Variants in SCN11A observed in about 807,000 individuals in gnomAD.
The protein encoded by SCN11A is sodium voltage-gated channel alpha subunit 11.
A neutral mutation model predicts 162.2 loss-of-function variants in SCN11A; 122 were observed. The ratio of observed to expected loss-of-function variants is 0.75; its 90% CI spans 0.65 to 0.87. The LOEUF (loss-of-function observed/expected upper bound fraction) is 0.87, where lower values mean the gene tolerates loss of function less well. SCN11A is among the 40% of genes least tolerant of loss of function. The pLI, the probability that SCN11A is intolerant of heterozygous loss-of-function variation, is 0.00. For missense variants in SCN11A, 2,015 were observed against 2,181.6 expected (o/e 0.92, Z 1.52); for synonymous variants, 758 against 751.5 (o/e 1.01, Z -0.14).
intron 5 of SCN11A, among the ~76,000 whole-genome samples, chr3:38,947,587 C>T (rs2066537227): frequency 6.6e-6 from 1 of 152,218 alleles, no homozygotes; most frequent in Non-Finnish European, 1.5e-5. Context: ...GGATGCCAAA[C>T]AGGACAAACT....
intron 2 of SCN11A, among the ~76,000 whole-genome samples, chr3:39,026,464 A>G (rs1431615684): frequency 1.3e-5 from 2 of 152,158 alleles, no homozygotes; most frequent in African/African-American, 4.8e-5. Flanking sequence ...TTTAAGTCCA[A>G]CTTCCCATGA....
chr3:38,973,923 G>T (rs1191911219), intron 2 of SCN11A, among the ~76,000 whole-genome samples: 1 of 152,242 alleles, frequency 6.6e-6, no homozygotes, highest in Non-Finnish European at 1.5e-5. Flanking sequence ...GAGGCTGGCA[G>T]ATGCCAACAG....
chr3:38,924,680 T>C (rs56343026), intron 9 of SCN11A, among the ~76,000 whole-genome samples: 2,408 of 152,112 alleles, frequency 0.016, 66 homozygotes, highest in African/African-American at 0.056. Flanking sequence ...GCCTTAACTC[T>C]TGTATTTTTG....
chr3:38,977,935 C>G (rs965983152), intron 2 of SCN11A, among the ~76,000 whole-genome samples: 3 of 152,152 alleles, frequency 2.0e-5, no homozygotes, highest in Non-Finnish European at 2.9e-5. Flanking sequence ...CATCTTCAGC[C>G]TCTCCCCACC....
At chr3:38,882,427 T>G (rs1419477492) in intron 22 of SCN11A, among the ~76,000 whole-genome samples, 1 of 152,200 alleles carries the variant, frequency 6.6e-6, no homozygotes, top group Non-Finnish European at 1.5e-5. Flanking sequence ...CTCATAACTT[T>G]GTTATGTCAA....
intron 19 of SCN11A, among the ~76,000 whole-genome samples, chr3:38,892,424 G>T (rs1358854068): frequency 6.6e-6 from 1 of 152,070 alleles, no homozygotes; most frequent in East Asian, 1.9e-4. Flanking sequence ...TTGTGTTGCT[G>T]GGTATGTAAC....
chr3:38,877,144 GGTATATA>G, intron 23 of SCN11A, among the ~76,000 whole-genome samples: 1 of 81,354 alleles, frequency 1.2e-5, no homozygotes, highest in African/African-American at 5.3e-5. Flanking sequence ...CTATATATAT[GGTATATA>G]TATGGTGTAT....
chr3:38,996,015 G>A (rs78405164), intron 2 of SCN11A, among the ~76,000 whole-genome samples: 2,712 of 152,172 alleles, frequency 0.018, 75 homozygotes, highest in African/African-American at 0.06. Flanking sequence ...GAGCATGAGC[G>A]CGCGCTCTCT....
chr3:39,044,466 A>G lies in SCN11A; in HGVS notation c.-404+7395T>C, dbSNP rs182921313. ...CATTTTTTAAAATCAAAACCATATC[A>G]AGTATCTTTTCTGACTACAATGAAA... On this transcript the variant is annotated intron_variant, in intron 1 of 29. Coordinates refer to ENST00000302328, the MANE Select transcript of SCN11A (RefSeq NM_001349253.2). Among the ~76,000 whole-genome samples the G allele has an allele frequency of 9.2e-5, 14 of 152,322 alleles. No homozygotes were observed. The East Asian group carries it at 2.3e-3, about 25-fold the overall frequency.
At chr3:39,021,588 C>T (rs147205828) in intron 2 of SCN11A, among the ~76,000 whole-genome samples, 1 of 151,996 alleles carries the variant, frequency 6.6e-6, no homozygotes, top group Admixed American at 6.6e-5. Context: ...GTTGTGGGGA[C>T]CTGAGTGAAG....
chr3:38,966,770 T>G (rs1375019632), intron 2 of SCN11A, among the ~76,000 whole-genome samples: 1 of 152,258 alleles, frequency 6.6e-6, no homozygotes, highest in Non-Finnish European at 1.5e-5. Context: ...CTCCACATCC[T>G]TCCCAGCCTC....
chr3:38,987,409 C>T (rs1295211549), intron 2 of SCN11A, among the ~76,000 whole-genome samples: 1 of 151,854 alleles, frequency 6.6e-6, no homozygotes. Flanking sequence ...ATGTCTGGGG[C>T]CCATATTTCT....
In SCN11A at chr3:38,863,253, T is replaced by C. The variant is rs1266568164; in HGVS notation, c.3998A>G (p.Tyr1333Cys). 2.5e-6 allele frequency: 4 copies of C among 1,608,368 alleles called. No individual in the cohort carries two copies. Among genetic ancestry groups the C allele is most frequent in the Non-Finnish European group, 3.4e-6 (4 of 1,175,354 alleles). ...GGATCCTAATTTTTTCATTGCATTA[T>C]AGTATTTCTTCTGTTCTTCTGTCAT... ...IFMTEEQKKY[Y>C]NAMKKLGSKK... is the part of the protein sequence containing the mutation. The change falls in exon 28 of 30, where the codon TAT (tyrosine) becomes TGT (cysteine). Residue 1333 changes from tyrosine (Y) to cysteine (C), a missense_variant. Tyr to Cys is a radical substitution (Grantham distance 194). Transcript: ENST00000302328.
intron 28 of SCN11A, among the ~76,000 whole-genome samples, chr3:38,856,988 T>TAA (rs35920524): frequency 2.0e-5 from 3 of 151,842 alleles, no homozygotes; most frequent in Non-Finnish European, 4.4e-5. Context: ...ATTTTAAATT[T>TAA]AAAAAACACA....
At chr3:38,879,316 T>G (rs2065270578) in intron 23 of SCN11A, among the ~76,000 whole-genome samples, 1 of 152,172 alleles carries the variant, frequency 6.6e-6, no homozygotes, top group Non-Finnish European at 1.5e-5. Flanking sequence ...ACTCAATAAA[T>G]GTGATCCACT....
At chr3:38,887,729 G>A (rs945183440) in intron 19 of SCN11A, among the ~76,000 whole-genome samples, 6 of 152,134 alleles carry the variant, frequency 3.9e-5, no homozygotes, top group Non-Finnish European at 5.9e-5. Flanking sequence ...ATCATAATTT[G>A]TTATTATTTT....
At chr3:38,959,014 C>T (rs368602319) in intron 3 of SCN11A, among the ~76,000 whole-genome samples, 27 of 152,168 alleles carry the variant, frequency 1.8e-4, no homozygotes, top group African/African-American at 6.5e-4. Context: ...CAAACTGATA[C>T]TGTGATTCTC....
At position 38,846,598 on chromosome 3, in the gene SCN11A, A is replaced by G; in HGVS notation, c.*96T>C. ...GAAAATGGAATGGCTAATTTGGTGA[A>G]TCCACTCCCTGTTGATACACTAAGC... On this transcript the variant is annotated 3_prime_UTR_variant, in exon 30 of 30. Transcript: ENST00000302328. The G allele has an allele frequency of 1.1e-6, 1 of 887,010 alleles. No individual in the cohort carries two copies. The highest frequency in any genetic ancestry group is 1.8e-6 in the Non-Finnish European group (1 of 557,478). 54.9% of individuals were successfully genotyped at this position (887,010 alleles called of 1,614,324 possible).
intron 11 of SCN11A, among the ~76,000 whole-genome samples, chr3:38,917,791 G>A (rs563153802): frequency 1.1e-4 from 17 of 152,202 alleles, no homozygotes; most frequent in African/African-American, 3.9e-4. Flanking sequence ...ATGTACCCCT[G>A]AACTTAAAAT....
Sources: gnomAD v4.1 joint callset for allele counts (sites outside exome capture counted in the v4.1 genomes callset) on GRCh38, gnomAD v4.1.1 for gene constraint, MANE v1.5 for transcripts, NCBI Gene and HGNC (gene_info 2026-07-23, HGNC 2026-07-21) for gene names.